Variants in NMT1 observed in about 807,000 individuals in gnomAD.
NMT1 encodes the protein N-myristoyltransferase 1.
In NMT1, 12 loss-of-function variants were observed where a neutral mutation model predicts 63.4. The ratio of observed to expected loss-of-function variants is 0.19; its 90% CI spans 0.12 to 0.31. The LOEUF (loss-of-function observed/expected upper bound fraction) is 0.31, where lower values mean the gene tolerates loss of function less well. Among genes scored for constraint, NMT1 ranks in the 10% least tolerant of loss-of-function variants. NMT1 has a pLI of 1.00. For missense variants in NMT1, 432 were observed against 634.6 expected (o/e 0.68, Z 3.43); for synonymous variants, 228 against 234.3 (o/e 0.97, Z 0.25).
At chr17:45,096,972 C>G (rs1430112454) in intron 5 of NMT1, among the ~76,000 whole-genome samples, 156 bp from the exon 6 acceptor site, 1 of 152,216 alleles carries the variant, frequency 6.6e-6, no homozygotes, top group African/African-American at 2.4e-5. Context: ...TGGCTCGATT[C>G]TGTGTGTCCA....
At chr17:45,101,478 T>C (rs1049772549) in intron 8 of NMT1, among the ~76,000 whole-genome samples, 8 of 150,246 alleles carry the variant, frequency 5.3e-5, no homozygotes, top group Non-Finnish European at 1.2e-4. Context: ...AAAAATTAGC[T>C]GGGTGTGGTA....
intron 1 of NMT1, among the ~76,000 whole-genome samples, chr17:45,075,508 G>A (rs1247404033): frequency 2.7e-5 from 4 of 150,732 alleles, no homozygotes; most frequent in Non-Finnish European, 4.4e-5. Context: ...ATGGCTGGGC[G>A]TGGTGGCTCA....
chr17:45,061,664 A>G (rs2053860945), intron 1 of NMT1: 1 of 533,062 alleles, frequency 1.9e-6, no homozygotes, highest in Non-Finnish European at 3.3e-6. Flanking sequence ...GGAGACGTTC[A>G]GTACTTTTAT....
intron 1 of NMT1, among the ~76,000 whole-genome samples, chr17:45,075,896 C>G (rs889766490): frequency 1.3e-5 from 2 of 152,122 alleles, no homozygotes; most frequent in Non-Finnish European, 2.9e-5. Context: ...ATGGCGAGAC[C>G]TCATCTCTAC....
intron 1 of NMT1, among the ~76,000 whole-genome samples, chr17:45,070,109 T>C (rs1019554630): frequency 1.3e-5 from 2 of 152,222 alleles, no homozygotes; most frequent in Admixed American, 6.6e-5. Flanking sequence ...AAAGCAGTTA[T>C]CGTCCATGAC....
At chr17:45,070,344 G>A (rs2053932059) in intron 1 of NMT1, among the ~76,000 whole-genome samples, 1 of 152,072 alleles carries the variant, frequency 6.6e-6, no homozygotes, top group African/African-American at 2.4e-5. Flanking sequence ...TCTGCCTCCT[G>A]GGTTCAAACT....
chr17:45,067,111 T>C (rs772685221), intron 1 of NMT1, among the ~76,000 whole-genome samples: 1 of 152,056 alleles, frequency 6.6e-6, no homozygotes, highest in Non-Finnish European at 1.5e-5. Context: ...TCAGATAAGA[T>C]AACCTTTATG....
At chr17:45,089,118 A>C (rs2054072412) in intron 3 of NMT1, among the ~76,000 whole-genome samples, 1 of 152,244 alleles carries the variant, frequency 6.6e-6, no homozygotes, top group Non-Finnish European at 1.5e-5. Flanking sequence ...CCACCTTGGC[A>C]GGCGTGTTAG....
rs1308112860 is a variant in NMT1, at chr17:45,107,447, C to T, written c.*1808C>T. ...CGTGACTGACGTTTGCTCCTTGACT[C>T]CAAGAAACTGAGACCAAAGAAGCTG... On this transcript the variant is annotated 3_prime_UTR_variant, in exon 12 of 12. Transcript: ENST00000258960. 2 of 152,672 alleles carry T rather than the reference C, an allele frequency of 1.3e-5. No individual in the cohort carries two copies. The highest frequency in any genetic ancestry group is 4.8e-5 in the African/African-American group (2 of 41,456). The allele number at this position is 152,672 out of a possible 1,614,324, so 9.5% of individuals were successfully genotyped here.
At chr17:45,070,697 G>A (rs1411636479) in intron 1 of NMT1, among the ~76,000 whole-genome samples, 2 of 152,126 alleles carry the variant, frequency 1.3e-5, no homozygotes, top group Non-Finnish European at 2.9e-5. Flanking sequence ...AATTACAGGC[G>A]TGAGCCACCG....
chr17:45,067,325 G>A (rs754299809), intron 1 of NMT1, among the ~76,000 whole-genome samples: 5 of 152,018 alleles, frequency 3.3e-5, no homozygotes, highest in Admixed American at 2.6e-4. Flanking sequence ...GGAATCTTTC[G>A]GAATTTATTT....
chr17:45,075,886 A>G (rs1011477426), intron 1 of NMT1, among the ~76,000 whole-genome samples: 7 of 152,148 alleles, frequency 4.6e-5, no homozygotes, highest in African/African-American at 1.7e-4. Flanking sequence ...CCTGACCAAC[A>G]TGGCGAGACC....
intron 1 of NMT1, among the ~76,000 whole-genome samples, chr17:45,072,302 C>A (rs1346936952): frequency 6.6e-6 from 1 of 151,730 alleles, no homozygotes; most frequent in Non-Finnish European, 1.5e-5. Context: ...GAGTCTCACT[C>A]AGGCTGGAGT....
intron 1 of NMT1, among the ~76,000 whole-genome samples, chr17:45,081,192 C>A (rs372941415): frequency 2.6e-5 from 4 of 152,314 alleles, no homozygotes; most frequent in Admixed American, 6.5e-5. Flanking sequence ...TGGGGAAAAT[C>A]ATGAAACCTA....
chr17:45,078,715 A>G (rs1435687392), intron 1 of NMT1, among the ~76,000 whole-genome samples: 1 of 151,726 alleles, frequency 6.6e-6, no homozygotes, highest in Non-Finnish European at 1.5e-5. Flanking sequence ...AGGCTGGAGT[A>G]TAGTTGTGCG....
intron 1 of NMT1, among the ~76,000 whole-genome samples, chr17:45,078,654 T>TC (rs1341049669): frequency 1.1e-4 from 16 of 151,554 alleles, no homozygotes; most frequent in Non-Finnish European, 1.6e-4. Flanking sequence ...TTTTGGTGTT[T>TC]TTTTGTTTGT....
intron 3 of NMT1, among the ~76,000 whole-genome samples, chr17:45,093,352 T>C (rs933806026): frequency 6.6e-6 from 1 of 152,246 alleles, no homozygotes; most frequent in Non-Finnish European, 1.5e-5. Context: ...GCCAGGGCCC[T>C]GACAGCACTC....
At position 45,103,595 on chromosome 17, in the gene NMT1, C is replaced by A; in HGVS notation, c.1165-114C>A. On this transcript the variant is annotated intron_variant, in intron 9 of 11. Coordinates refer to ENST00000258960, the MANE Select transcript of NMT1 (RefSeq NM_021079.5). This position sits in a 1 kb window ranked among gnomAD's most constrained non-coding sequence, Gnocchi z 4.8. ...CACATGTCCTGTTGCAGTTTCCAGC[C>A]ATTTATCTAGAGGGGCAGAGCTGCC... is the stretch of plus-strand genomic sequence containing the variant. The A allele has an allele frequency of 9.3e-7, 1 of 1,077,688 alleles. No individual in the cohort carries two copies. The highest frequency in any genetic ancestry group is 1.4e-6 in the Non-Finnish European group (1 of 740,550). 66.8% of individuals were successfully genotyped at this position (1,077,688 alleles called of 1,614,324 possible).
chr17:45,099,702 A>C, intron 8 of NMT1, 189 bp downstream of exon 8: 1 of 575,776 alleles, frequency 1.7e-6, no homozygotes, highest in East Asian at 2.9e-5. Flanking sequence ...TTTTAGTTTA[A>C]CTTTCTCAGT....
Sources: gnomAD v4.1 joint callset for allele counts (sites outside exome capture counted in the v4.1 genomes callset) on GRCh38, gnomAD v4.1.1 for gene constraint, Gnocchi (gnomAD v3.1) non-coding constraint, MANE v1.5 for transcripts, NCBI Gene and HGNC (gene_info 2026-07-23, HGNC 2026-07-21) for gene names.